TBX5: variants seen among roughly 807,000 people sequenced by gnomAD.
The protein encoded by TBX5 is T-box transcription factor TBX5.
TBX5 carries 8 observed loss-of-function variants against 51.1 expected under a neutral mutation model. The observed-to-expected ratio is 0.16, with a 90% CI of 0.09 to 0.28. TBX5 has a LOEUF of 0.28. Among genes scored for constraint, TBX5 ranks in the 10% least tolerant of loss-of-function variants. TBX5 has a pLI of 1.00. For synonymous variants in TBX5, 302 were observed against 266.4 expected (o/e 1.13, Z -1.30); for missense variants, 589 against 671.7 (o/e 0.88, Z 1.36).
chr12:114,403,203 G>A (rs531368174), intron 2 of TBX5, among the ~76,000 whole-genome samples: 1 of 152,362 alleles, frequency 6.6e-6, no homozygotes, highest in South Asian at 2.1e-4. Flanking sequence ...GTGATGGCGC[G>A]CCAGCCAGCC....
intron 5 of TBX5, among the ~76,000 whole-genome samples, chr12:114,395,526 C>T (rs1871368099): frequency 6.6e-6 from 1 of 152,048 alleles, no homozygotes; most frequent in Non-Finnish European, 1.5e-5. Context: ...TTGGGGGTCA[C>T]GGGTGATCTG....
rs1397310458 is a variant in TBX5 at position 114,406,109 on chromosome 12, A to C, written c.-520T>G. 1.0e-5 allele frequency: 9 copies of C among 898,240 alleles called. No homozygotes were observed. Among genetic ancestry groups the C allele is most frequent in the Non-Finnish European group, 6.7e-6 (5 of 750,830 alleles). The allele number at this position is 898,240 out of a possible 1,614,324, so 55.6% of individuals were successfully genotyped here. A position where few individuals can be genotyped will look rare whatever the true frequency, so the allele number is the denominator to read the frequency against. Reference sequence around the variant, plus strand: ...AATACAAGCCAACTCAGCTGAGCACAGTGACGTTGGGTTGCCTCGATGCTC... The same window carrying C: ...AATACAAGCCAACTCAGCTGAGCACCGTGACGTTGGGTTGCCTCGATGCTC... On this transcript the variant is annotated 5_prime_UTR_variant, in exon 1 of 9. Coordinates refer to ENST00000405440, the MANE Select transcript of TBX5 (RefSeq NM_181486.4).
intron 6 of TBX5, among the ~76,000 whole-genome samples, chr12:114,387,962 G>A (rs570529075): frequency 5.8e-4 from 88 of 151,578 alleles, no homozygotes; most frequent in African/African-American, 2.0e-3. Context: ...TCGGCATCCC[G>A]AGCAGCTGGG....
rs886507683 is a variant in TBX5 at position 114,405,756 on chromosome 12, C to A, written c.-167G>T. 26 of 985,394 alleles carry A rather than the reference C, an allele frequency of 2.6e-5. No homozygotes were observed. Among genetic ancestry groups the A allele is most frequent in the Non-Finnish European group, 3.1e-5 (26 of 830,012 alleles). 61.0% of individuals were successfully genotyped at this position (985,394 alleles called of 1,614,324 possible). On this transcript the variant is annotated 5_prime_UTR_variant, in exon 1 of 9. Transcript: ENST00000405440. ...GGGGTTTACTGCTTACCCAGAATAGCGGCTACTGCTGCCTACTAGGGCGCA... is the reference window on the plus strand; with the variant it reads ...GGGGTTTACTGCTTACCCAGAATAGAGGCTACTGCTGCCTACTAGGGCGCA...
chr12:114,405,707 G>A lies in TBX5; in HGVS notation c.-118C>T, dbSNP rs994622214. On this transcript the variant is annotated 5_prime_UTR_variant, in exon 1 of 9. Transcript: ENST00000405440. ...AGCCGGCGGTGAGGCGGGGGAGCAG[G>A]CATGGTGGCTCCGGGGTTTATGCGG... 1.3e-5 allele frequency: 13 copies of A among 985,476 alleles called. No homozygotes were observed. The highest frequency in any genetic ancestry group is 1.7e-5 in the African/African-American group (1 of 57,256). 61.0% of individuals were successfully genotyped at this position (985,476 alleles called of 1,614,324 possible).
At chr12:114,374,418 T>C (rs983271293) in intron 7 of TBX5, among the ~76,000 whole-genome samples, 1 of 152,152 alleles carries the variant, frequency 6.6e-6, no homozygotes, top group Admixed American at 6.6e-5. Context: ...CCCAGGGAAT[T>C]TGATGTTATA....
At chr12:114,361,609 C>T (rs765505010) in intron 8 of TBX5, among the ~76,000 whole-genome samples, 1 of 152,110 alleles carries the variant, frequency 6.6e-6, no homozygotes, top group Non-Finnish European at 1.5e-5. Flanking sequence ...CTCCGGCCTG[C>T]CTGGCCCTGT....
chr12:114,372,684 G>A (rs1869979884), intron 7 of TBX5, among the ~76,000 whole-genome samples: 1 of 151,958 alleles, frequency 6.6e-6, no homozygotes, highest in South Asian at 2.1e-4. Flanking sequence ...TCTCTCCCTG[G>A]CCTTAAGTAC....
In TBX5 at chr12:114,366,243, G is replaced by T; in HGVS notation, c.904C>A (p.Gln302Lys). ...QCENGVSGPS[Q>K]DLLPPPNPYP... ...GGGTTGGGTGGAGGCAGGAGGTCCT[G>T]GGAGGGGCCGGAAACACCATTCTCA... Residue 302 changes from glutamine (Q) to lysine (K), a missense_variant, in exon 8 of 9, where the codon CAG (glutamine) becomes AAG (lysine). By Grantham distance (53) the Gln-to-Lys change is moderately conservative (BLOSUM62 1). Coordinates refer to ENST00000405440, the MANE Select transcript of TBX5 (RefSeq NM_181486.4). The T allele has an allele frequency of 6.2e-7, 1 of 1,614,036 alleles. No homozygotes were observed. Among genetic ancestry groups the T allele is most frequent in the Non-Finnish European group, 8.5e-7 (1 of 1,179,990 alleles).
chr12:114,398,531 C>A (rs759758656), intron 5 of TBX5, 42 bp downstream of exon 5: 107 of 1,601,180 alleles, frequency 6.7e-5, no homozygotes, highest in Non-Finnish European at 8.0e-5. Context: ...GGAGAGAGGA[C>A]AAGAGGGAGA....
At chr12:114,358,547 C>A (rs968484702) in intron 8 of TBX5, among the ~76,000 whole-genome samples, 8 of 152,134 alleles carry the variant, frequency 5.3e-5, no homozygotes, top group Non-Finnish European at 8.8e-5. Flanking sequence ...CAAAACATAT[C>A]TCTTAGGGTT....
At chr12:114,389,622 C>T (rs1422182056) in intron 6 of TBX5, among the ~76,000 whole-genome samples, 3 of 147,436 alleles carry the variant, frequency 2.0e-5, no homozygotes, top group Non-Finnish European at 3.0e-5. Context: ...GGCGTAGTGG[C>T]GGGCACCTGT....
intron 2 of TBX5, 71 bp downstream of exon 2, chr12:114,403,681 G>A (rs1186535473): frequency 1.2e-5 from 19 of 1,582,336 alleles, no homozygotes; most frequent in Non-Finnish European, 2.6e-6. Flanking sequence ...CCCCGCAAGA[G>A]AAGCCGAGCA....
chr12:114,358,999 G>C (rs1394301433), intron 8 of TBX5, among the ~76,000 whole-genome samples: 1 of 152,024 alleles, frequency 6.6e-6, no homozygotes, highest in East Asian at 1.9e-4. Flanking sequence ...AGAAAGTACA[G>C]CTGCAGGGCA....
intron 3 of TBX5, among the ~76,000 whole-genome samples, chr12:114,400,687 C>T (rs1395991846): frequency 6.6e-6 from 1 of 152,202 alleles, no homozygotes; most frequent in Non-Finnish European, 1.5e-5. Context: ...TAAATCCTCA[C>T]GGCTCAGGCT....
intron 6 of TBX5, among the ~76,000 whole-genome samples, chr12:114,389,598 CA>C (rs1368348455): frequency 1.4e-5 from 2 of 147,710 alleles, no homozygotes; most frequent in Non-Finnish European, 3.0e-5. Context: ...ACTAAAAATA[CA>C]AAAAATTAGC....
chr12:114,372,981 TACACAC>T (rs56137685), intron 7 of TBX5, among the ~76,000 whole-genome samples: 15,608 of 142,786 alleles, frequency 0.11, 1,054 homozygotes, highest in East Asian at 0.44. Context: ...TATATATACA[TACACAC>T]ACACACACAC....
chr12:114,357,449 C>T (rs1408690305), intron 8 of TBX5, among the ~76,000 whole-genome samples: 1 of 152,210 alleles, frequency 6.6e-6, no homozygotes, highest in African/African-American at 2.4e-5. Flanking sequence ...GGATTTGAAT[C>T]AGGCTCCTTT....
intron 7 of TBX5, among the ~76,000 whole-genome samples, chr12:114,375,368 G>C (rs1870131581): frequency 6.6e-6 from 1 of 152,000 alleles, no homozygotes; most frequent in South Asian, 2.1e-4. Flanking sequence ...TTTTTAACAA[G>C]CCCCCCAGGT....
Sources: allele counts gnomAD v4.1 joint callset (sites outside exome capture counted in the v4.1 genomes callset), GRCh38; gene constraint gnomAD v4.1.1; transcripts MANE v1.5; gene names NCBI Gene and HGNC (gene_info 2026-07-23, HGNC 2026-07-21).